The following NDST3 variants were observed in gnomAD, a reference collection of about 807,000 sequenced individuals.
The protein encoded by NDST3 is N-deacetylase and N-sulfotransferase 3, also known as bifunctional heparan sulfate N-deacetylase/N-sulfotransferase 3.
NDST3 carries 58 observed loss-of-function variants against 96.1 expected under a neutral mutation model. The observed-to-expected ratio is 0.60, with a 90% CI of 0.49 to 0.75. The LOEUF (loss-of-function observed/expected upper bound fraction) is 0.75. Among genes scored for constraint, NDST3 ranks in the 30% least tolerant of loss-of-function variants. The pLI, the probability that NDST3 is intolerant of heterozygous loss-of-function variation, is 0.00. For synonymous variants in NDST3, 333 were observed against 359.7 expected (o/e 0.93, Z 0.84); for missense variants, 788 against 1,034.2 (o/e 0.76, Z 3.27).
chr4:118,135,955 C>A (rs1283912045), intron 4 of NDST3, among the ~76,000 whole-genome samples: 1 of 152,120 alleles, frequency 6.6e-6, no homozygotes, highest in Non-Finnish European at 1.5e-5. Context: ...ACTGTATATA[C>A]ATTGGTTGCC....
intron 2 of NDST3, among the ~76,000 whole-genome samples, chr4:118,089,586 A>C (rs770482345): frequency 6.6e-6 from 1 of 151,974 alleles, no homozygotes; most frequent in Non-Finnish European, 1.5e-5. Context: ...CTGAGGCTAC[A>C]ACATAAACAA....
intron 1 of NDST3, among the ~76,000 whole-genome samples, chr4:118,039,792 T>C (rs1004269764): frequency 6.6e-6 from 1 of 152,122 alleles, no homozygotes; most frequent in African/African-American, 2.4e-5. Context: ...GAAAAGAGAT[T>C]ATCTCTTTTG....
At chr4:118,247,829 G>A (rs1191438657) in intron 12 of NDST3, among the ~76,000 whole-genome samples, 1 of 152,058 alleles carries the variant, frequency 6.6e-6, no homozygotes, top group Non-Finnish European at 1.5e-5. Flanking sequence ...TGCCAAAAGA[G>A]AACTGATTTT....
intron 2 of NDST3, among the ~76,000 whole-genome samples, chr4:118,088,791 G>T (rs112608942): frequency 6.6e-6 from 1 of 151,994 alleles, no homozygotes; most frequent in Non-Finnish European, 1.5e-5. Flanking sequence ...AAGACGGATA[G>T]TAACTTTCTT....
chr4:118,235,396 C>A (rs150408130), intron 9 of NDST3, among the ~76,000 whole-genome samples: 1 of 152,078 alleles, frequency 6.6e-6, no homozygotes, highest in Admixed American at 6.6e-5. Context: ...TAGAAAAATG[C>A]GGACATATAG....
chr4:118,036,399 A>G (rs1218684776), intron 1 of NDST3, among the ~76,000 whole-genome samples: 1 of 152,180 alleles, frequency 6.6e-6, no homozygotes, highest in African/African-American at 2.4e-5. Context: ...ACTATTCTCA[A>G]CTAAATGAAT....
chr4:118,228,085 C>T (rs1740025164), intron 8 of NDST3, among the ~76,000 whole-genome samples: 1 of 152,194 alleles, frequency 6.6e-6, no homozygotes, highest in African/African-American at 2.4e-5. Context: ...TACATTCCCT[C>T]TCCTCATTGA....
At chr4:118,171,728 C>T (rs894237887) in intron 6 of NDST3, among the ~76,000 whole-genome samples, 8 of 152,154 alleles carry the variant, frequency 5.3e-5, no homozygotes, top group African/African-American at 1.9e-4. Flanking sequence ...TCATACAATA[C>T]CGCTTTCCAG....
intron 12 of NDST3, among the ~76,000 whole-genome samples, chr4:118,247,434 C>A (rs1741388558): frequency 6.6e-6 from 1 of 152,034 alleles, no homozygotes; most frequent in Non-Finnish European, 1.5e-5. Context: ...GGCTTTTAAT[C>A]CCAGCTACTC....
At chr4:118,191,421 T>C (rs1361642773) in intron 6 of NDST3, among the ~76,000 whole-genome samples, 1 of 152,220 alleles carries the variant, frequency 6.6e-6, no homozygotes, top group Non-Finnish European at 1.5e-5. Flanking sequence ...GTATTCCAGT[T>C]TGATAGGTGG....
At position 118,114,809 on chromosome 4, in the gene NDST3, C is replaced by A. The variant is rs753261716; in HGVS notation, c.1073C>A (p.Thr358Asn). 6.2e-7 allele frequency: 1 copy of A among 1,613,154 alleles called. No individual in the cohort carries two copies. The highest frequency in any genetic ancestry group is 8.5e-7 in the Non-Finnish European group (1 of 1,179,460). ...GATAATATTTCCCCCCCTAAAGGAA[C>A]TGAAGAGGAAGATGAAGGAGATGAC... ...GFSGKFYHTG[T>N]EEEDEGDDCL... Residue 358 changes from threonine to asparagine, a missense_variant, in exon 4 of 14, where the codon ACT becomes AAT. Coordinates refer to ENST00000296499, the MANE Select transcript of NDST3 (RefSeq NM_004784.3).
At chr4:118,074,627 G>C (rs1727348516) in intron 2 of NDST3, among the ~76,000 whole-genome samples, 1 of 152,116 alleles carries the variant, frequency 6.6e-6, no homozygotes, top group African/African-American at 2.4e-5. Context: ...TTGAGGCTAT[G>C]GGTGTCACTG....
chr4:118,198,810 G>T (rs1737871844), intron 6 of NDST3, among the ~76,000 whole-genome samples: 1 of 151,522 alleles, frequency 6.6e-6, no homozygotes, highest in Admixed American at 6.6e-5. Context: ...ATTCTTGAAG[G>T]ATATTTTCAC....
intron 2 of NDST3, among the ~76,000 whole-genome samples, chr4:118,088,450 T>C (rs1301948589): frequency 1.3e-5 from 2 of 152,058 alleles, no homozygotes; most frequent in African/African-American, 2.4e-5. Context: ...TGCACTTTGT[T>C]TTCTCAGCTG....
chr4:118,227,256 A>G (rs1578843008), intron 8 of NDST3, among the ~76,000 whole-genome samples: 1 of 151,052 alleles, frequency 6.6e-6, no homozygotes, highest in South Asian at 2.1e-4. Context: ...AAATGTTTTA[A>G]TTGAAAAGTA....
chr4:118,189,142 C>T (rs1737146520), intron 6 of NDST3, among the ~76,000 whole-genome samples: 1 of 152,088 alleles, frequency 6.6e-6, no homozygotes, highest in Non-Finnish European at 1.5e-5. Context: ...CTCTGCATCC[C>T]AGGCTCAAGT....
intron 2 of NDST3, among the ~76,000 whole-genome samples, chr4:118,076,555 G>C (rs1727550427): frequency 2.0e-5 from 3 of 152,094 alleles, no homozygotes; most frequent in African/African-American, 7.2e-5. Context: ...TTTGAGCTTT[G>C]AGATTCTCTT....
chr4:118,038,633 A>G (rs1455003982), intron 1 of NDST3, among the ~76,000 whole-genome samples: 1 of 152,192 alleles, frequency 6.6e-6, no homozygotes, highest in African/African-American at 2.4e-5. Context: ...TTTTATTATT[A>G]TTACTAAATT....
In NDST3 at chr4:118,055,000, G is replaced by A. The variant is rs776931774; in HGVS notation, c.981+109G>A. ...TTACCCAGGACATGGGATTTACTGG[G>A]AAAGTCTGGGCAATCTAGGATTATC... On this transcript the variant is annotated intron_variant, in intron 2 of 13. Transcript: ENST00000296499. 5.0e-5 allele frequency: 69 copies of A among 1,373,542 alleles called. No homozygotes were observed. The East Asian group carries it at 1.6e-3, about 31-fold the overall frequency. 85.1% of individuals were successfully genotyped at this position (1,373,542 alleles called of 1,614,324 possible).
Sources: allele counts gnomAD v4.1 joint callset (sites outside exome capture counted in the v4.1 genomes callset), GRCh38; gene constraint gnomAD v4.1.1; transcripts MANE v1.5; gene names NCBI Gene and HGNC (gene_info 2026-07-23, HGNC 2026-07-21).